Variants in SHOC1 observed in about 807,000 individuals in gnomAD.
SHOC1 encodes the protein shortage in chiasmata 1.
SHOC1 carries 136 observed loss-of-function variants against 179.2 expected under a neutral mutation model. The ratio of observed to expected loss-of-function variants is 0.76; its 90% confidence interval spans 0.66 to 0.87. SHOC1 has a LOEUF of 0.87. SHOC1 is among the 40% of genes least tolerant of loss of function. SHOC1 has a pLI of 0.00. For missense variants in SHOC1, 1,538 were observed against 1,700.8 expected (o/e 0.90, Z 1.68); for synonymous variants, 489 against 586.6 (o/e 0.83, Z 2.41).
chr9:111,698,227 T>C (rs1831797196), intron 24 of SHOC1, among the ~76,000 whole-genome samples: 2 of 152,254 alleles, frequency 1.3e-5, no homozygotes, highest in South Asian at 4.1e-4. Flanking sequence ...TTGGCTTTTG[T>C]TGCCATTGCT....
chr9:111,755,073 A>G (rs973294031), intron 8 of SHOC1, among the ~76,000 whole-genome samples: 4 of 152,212 alleles, frequency 2.6e-5, no homozygotes, highest in African/African-American at 7.2e-5. Flanking sequence ...AATGTGTATA[A>G]GTTTCCTTGT....
intron 18 of SHOC1, 39 bp from the exon 19 acceptor site, chr9:111,707,963 C>A: frequency 8.1e-7 from 1 of 1,239,986 alleles, no homozygotes; most frequent in South Asian, 1.6e-5. Flanking sequence ...GTGTCTTGTT[C>A]AGATACATAT....
intron 5 of SHOC1, among the ~76,000 whole-genome samples, chr9:111,766,136 A>T (rs2131591064): frequency 6.6e-6 from 1 of 152,218 alleles, no homozygotes; most frequent in Non-Finnish European, 1.5e-5. Flanking sequence ...CTCCCACATG[A>T]GTGAGAACAT....
Position 111,706,626 on chromosome 9 carries a change from T to C in SHOC1, c.2679A>G (p.Lys893=). 1 of 1,606,088 alleles carries C rather than the reference T, an allele frequency of 6.2e-7. No individual in the cohort carries two copies. The highest frequency in any genetic ancestry group is 1.7e-5 in the Admixed American group (1 of 59,142). Residue 893 remains lysine, a synonymous_variant, in exon 20 of 28, where the codon AAA becomes AAG. Coordinates refer to ENST00000682961, the MANE Select transcript of SHOC1 (RefSeq NM_001378211.1). The stretch of plus-strand genomic sequence containing the variant: ...AGGCCATGTAAGGAATATTCAACTC[T>C]TTGCAGTGTTTAGTCCAACAAGAGT... ...VEDSCWTKHC[K]ELNIPYMAFK... is the part of the protein sequence containing the mutation.
At chr9:111,704,495 A>G (rs970872521) in intron 21 of SHOC1, among the ~76,000 whole-genome samples, 1 of 152,126 alleles carries the variant, frequency 6.6e-6, no homozygotes, top group Non-Finnish European at 1.5e-5. Flanking sequence ...CGAACCTCTC[A>G]TCTCAGCCTC....
chr9:111,714,184 T>A (rs1031015639), intron 17 of SHOC1, among the ~76,000 whole-genome samples: 1 of 152,096 alleles, frequency 6.6e-6, no homozygotes, highest in Non-Finnish European at 1.5e-5. Flanking sequence ...CTGGCTAATT[T>A]AAAAATTTTT....
Position 111,722,513 on chromosome 9 carries a change from C to T in SHOC1, c.2027G>A (p.Cys676Tyr). ...TTTCCAATTAGCAGTAGGGAGGGTA[C>T]ACAAGGATACAAGGTTTTTTAAGAT... Reference protein sequence around the residue: ...SPILKNLVSLCTLPTANWKFA... With the variant: ...SPILKNLVSLYTLPTANWKFA... Residue 676 changes from cysteine (C) to tyrosine (Y), a missense_variant, in exon 15 of 28, where the codon TGT (cysteine) becomes TAT (tyrosine). Coordinates refer to ENST00000682961, the MANE Select transcript of SHOC1 (RefSeq NM_001378211.1). 1 of 1,612,052 alleles carries T rather than the reference C, an allele frequency of 6.2e-7. No individual in the cohort carries two copies. The highest frequency in any genetic ancestry group is 8.5e-7 in the Non-Finnish European group (1 of 1,179,600).
Position 111,775,882 on chromosome 9 carries a change from C to T in SHOC1, c.351G>A (p.Glu117=), listed in dbSNP as rs1474958174. 1 of 1,613,574 alleles carries T rather than the reference C, an allele frequency of 6.2e-7. No individual in the cohort carries two copies. The highest frequency in any genetic ancestry group is 2.2e-5 in the East Asian group (1 of 44,798). Residue 117 remains glutamate (E), a synonymous_variant, in exon 5 of 28, where the codon GAG becomes GAA. Transcript: ENST00000682961. The part of the protein sequence containing the change: ...SNPDSQIEVE[E]VSLYTHMDYN... Reference sequence around the variant, plus strand: ...AGTCCATGTGGGTGTATAAACTGACCTCCTCTACTTCAATTTGGGAGTCTG... The same window carrying T: ...AGTCCATGTGGGTGTATAAACTGACTTCCTCTACTTCAATTTGGGAGTCTG...
intron 2 of SHOC1, among the ~76,000 whole-genome samples, chr9:111,790,207 G>A (rs1299263844): frequency 6.6e-6 from 1 of 152,160 alleles, no homozygotes; most frequent in Non-Finnish European, 1.5e-5. Context: ...AAGTACTTAT[G>A]ATGATAAAAT....
chr9:111,794,445 G>A (rs889803648), intron 1 of SHOC1, among the ~76,000 whole-genome samples: 24 of 151,994 alleles, frequency 1.6e-4, no homozygotes, highest in African/African-American at 5.8e-4. Context: ...TTAGCCAGAC[G>A]TGGTGGAGGA....
intron 27 of SHOC1, among the ~76,000 whole-genome samples, chr9:111,690,937 C>T (rs1271143720): frequency 6.6e-6 from 1 of 152,162 alleles, no homozygotes; most frequent in East Asian, 1.9e-4. Flanking sequence ...CTTTGTACGG[C>T]TGTTAGAACT....
rs371002006 is a variant in SHOC1 at position 111,785,917 on chromosome 9, G to A, written c.164C>T (p.Thr55Met). The change falls in exon 3 of 28, where the codon ACG becomes ATG. Residue 55 changes from threonine to methionine, a missense_variant. Coordinates refer to ENST00000682961, the MANE Select transcript of SHOC1 (RefSeq NM_001378211.1). ...AGAAATGAAAACAAACATACCTCTC[G>A]TCCATGGCCTCCTAAATTTATTATC... ...VTDNKFRRPW[T>M]RVSAVSVPGM... is the part of the protein sequence containing the mutation. 55 of 1,470,820 alleles carry A rather than the reference G, an allele frequency of 3.7e-5. No homozygotes were observed. Among genetic ancestry groups the A allele is most frequent in the African/African-American group, 3.2e-4 (22 of 68,566 alleles). The allele number at this position is 1,470,820 out of a possible 1,614,324, so 91.1% of individuals were successfully genotyped here.
intron 13 of SHOC1, among the ~76,000 whole-genome samples, chr9:111,724,127 G>A (rs1245014198): frequency 6.6e-6 from 1 of 152,154 alleles, no homozygotes; most frequent in Non-Finnish European, 1.5e-5. Context: ...TATCAGATCA[G>A]TATTTTGAAC....
chr9:111,692,146 CCTT>C lies in SHOC1; in HGVS notation c.3828_3830del (p.Arg1278del), dbSNP rs1156310638. ...TTAGAAAGGAGTTATAAGCCGGTCT[CCTT>C]GATTCTATATTAATTAGAAAAGGAG... On this transcript the variant is annotated inframe_deletion, in exon 27 of 28. Coordinates refer to ENST00000682961, the MANE Select transcript of SHOC1 (RefSeq NM_001378211.1). The C allele has an allele frequency of 6.2e-7, 1 of 1,613,636 alleles. No individual in the cohort carries two copies. The highest frequency in any genetic ancestry group is 1.3e-5 in the African/African-American group (1 of 74,900).
chr9:111,694,615 T>G lies in SHOC1; in HGVS notation c.3184-253A>C, dbSNP rs1831606306. Reference sequence around the variant, plus strand: ...AATCATTTTCATTTCATTTGGCATTTATTAACAGAGTCATTAAAATATAGT... The same window carrying G: ...AATCATTTTCATTTCATTTGGCATTGATTAACAGAGTCATTAAAATATAGT... On this transcript the variant is annotated intron_variant, in intron 24 of 27. Transcript: ENST00000682961. Among the ~76,000 whole-genome samples the G allele has an allele frequency of 3.3e-5, 5 of 152,070 alleles. No individual in the cohort carries two copies. The South Asian group carries it at 1.0e-3, about 32-fold the overall frequency.
chr9:111,729,539 G>A (rs1246661174), intron 12 of SHOC1, among the ~76,000 whole-genome samples: 1 of 152,174 alleles, frequency 6.6e-6, no homozygotes, highest in African/African-American at 2.4e-5. Context: ...TTCTTTTCAC[G>A]AAAGATTTTT....
chr9:111,706,775 G>C (rs781717683), intron 19 of SHOC1, 29 bp from the exon 20 acceptor site: 2 of 1,474,990 alleles, frequency 1.4e-6, no homozygotes, highest in South Asian at 2.7e-5. Flanking sequence ...CAAGAAAATG[G>C]CATTATACTT....
At chr9:111,784,898 G>A (rs1485720351) in intron 3 of SHOC1, among the ~76,000 whole-genome samples, 2 of 152,092 alleles carry the variant, frequency 1.3e-5, no homozygotes, top group African/African-American at 2.4e-5. Flanking sequence ...CCATCCTCAT[G>A]TTCTAGTCAC....
intron 18 of SHOC1, among the ~76,000 whole-genome samples, chr9:111,712,198 A>G (rs1832582334): frequency 1.3e-5 from 2 of 152,212 alleles, no homozygotes; most frequent in African/African-American, 4.8e-5. Flanking sequence ...TGAAACTATA[A>G]GGCCAGGGTG....
Sources: gnomAD v4.1 joint callset for allele counts (sites outside exome capture counted in the v4.1 genomes callset) on GRCh38, gnomAD v4.1.1 for gene constraint, MANE v1.5 for transcripts, NCBI Gene and HGNC (gene_info 2026-07-23, HGNC 2026-07-21) for gene names.